TMEM266: variants seen among roughly 807,000 people sequenced by gnomAD.
The protein encoded by TMEM266 is Hv1 related protein 1.
In TMEM266, 33 loss-of-function variants were observed where a neutral mutation model predicts 50.5. The observed-to-expected ratio is 0.65, with a 90% CI of 0.50 to 0.87. The LOEUF is 0.87. Among genes scored for constraint, TMEM266 ranks in the 40% least tolerant of loss-of-function variants. TMEM266 has a pLI of 0.00. For missense variants in TMEM266, 655 were observed against 695.1 expected (o/e 0.94, Z 0.65); for synonymous variants, 310 against 292.3 (o/e 1.06, Z -0.62).
At chr15:76,145,055 T>A (rs879503404) in intron 3 of TMEM266, among the ~76,000 whole-genome samples, 1 of 152,254 alleles carries the variant, frequency 6.6e-6, no homozygotes, top group Non-Finnish European at 1.5e-5. Flanking sequence ...CACTCACTGA[T>A]GCAGGTACCA....
At chr15:76,194,739 A>T (rs1208783269) in intron 9 of TMEM266, among the ~76,000 whole-genome samples, 1 of 152,148 alleles carries the variant, frequency 6.6e-6, no homozygotes, top group Non-Finnish European at 1.5e-5. Context: ...TCATCTGCAC[A>T]TGGCGTCCTC....
chr15:76,154,938 C>T lies in TMEM266; in HGVS notation c.228-1666C>T, dbSNP rs781305944. Among the ~76,000 whole-genome samples the T allele has an allele frequency of 4.6e-5, 7 of 152,332 alleles. 1 individual carries two copies. The South Asian group carries it at 1.0e-3, about 23-fold the overall frequency. On this transcript the variant is annotated intron_variant, in intron 3 of 10. Transcript: ENST00000388942. ...CATTATTCCTTCCGAGAGAAGGGGG[C>T]GCCTCAGGGCACAGCCCCCTTCCCA...
intron 5 of TMEM266, among the ~76,000 whole-genome samples, chr15:76,163,355 A>G (rs1038104059): frequency 2.6e-5 from 4 of 152,212 alleles, no homozygotes; most frequent in African/African-American, 9.6e-5. Flanking sequence ...GCTGTTTGAC[A>G]GTGAGACAGA....
intron 1 of TMEM266, among the ~76,000 whole-genome samples, chr15:76,120,778 AAAAGAT>A (rs2037329954): frequency 6.6e-6 from 1 of 151,562 alleles, no homozygotes; most frequent in Non-Finnish European, 1.5e-5. Context: ...AAAAAAAAAA[AAAAGAT>A]AAGGAAAGAT....
intron 1 of TMEM266, among the ~76,000 whole-genome samples, chr15:76,067,724 G>A (rs1276684784): frequency 1.4e-5 from 2 of 146,678 alleles, no homozygotes; most frequent in South Asian, 4.3e-4. Context: ...AGAGCTTAAA[G>A]TATGCAATAA....
chr15:76,193,641 C>A (rs545901613), intron 9 of TMEM266, among the ~76,000 whole-genome samples: 1 of 152,334 alleles, frequency 6.6e-6, no homozygotes, highest in South Asian at 2.1e-4. Flanking sequence ...ATGAGCCATG[C>A]AGCCTCAGCT....
At chr15:76,182,666 CAAAA>C (rs891280636) in intron 8 of TMEM266, among the ~76,000 whole-genome samples, 4 of 151,780 alleles carry the variant, frequency 2.6e-5, no homozygotes, top group Admixed American at 6.6e-5. Context: ...CAAAACAAAA[CAAAA>C]AAAACTACTA....
At chr15:76,165,527 G>T (rs1181740763) in intron 5 of TMEM266, among the ~76,000 whole-genome samples, 1 of 152,232 alleles carries the variant, frequency 6.6e-6, no homozygotes, top group African/African-American at 2.4e-5. Flanking sequence ...GAAAGGAGGA[G>T]GCTGAAGCTG....
intron 9 of TMEM266, among the ~76,000 whole-genome samples, chr15:76,195,881 G>C (rs777648894): frequency 7.2e-5 from 11 of 152,344 alleles, no homozygotes; most frequent in South Asian, 6.2e-4. Context: ...AAGAAACCAA[G>C]CCTTTAAAAT....
chr15:76,072,267 CGT>C (rs1410289623), intron 1 of TMEM266, among the ~76,000 whole-genome samples: 2 of 151,782 alleles, frequency 1.3e-5, no homozygotes, highest in East Asian at 3.9e-4. Context: ...GGAAAAACCC[CGT>C]CTCTACTAAA....
At chr15:76,086,042 C>G (rs2036771679) in intron 1 of TMEM266, among the ~76,000 whole-genome samples, 1 of 146,274 alleles carries the variant, frequency 6.8e-6, no homozygotes, top group South Asian at 2.1e-4. Flanking sequence ...GAGCGAAACT[C>G]CATTTCAAAA....
At chr15:76,064,560 C>G (rs1319031200) in intron 1 of TMEM266, among the ~76,000 whole-genome samples, 1 of 152,198 alleles carries the variant, frequency 6.6e-6, no homozygotes, top group Non-Finnish European at 1.5e-5. Context: ...TCCTCAGCCA[C>G]AAAGGCCTCC....
intron 1 of TMEM266, among the ~76,000 whole-genome samples, chr15:76,071,019 C>T (rs190090870): frequency 4.8e-4 from 73 of 152,234 alleles, no homozygotes; most frequent in African/African-American, 1.6e-3. Flanking sequence ...TGGTTTGTCC[C>T]GGGGAAGAAG....
At chr15:76,115,564 C>T (rs1016078240) in intron 1 of TMEM266, among the ~76,000 whole-genome samples, 3 of 152,124 alleles carry the variant, frequency 2.0e-5, no homozygotes, top group Non-Finnish European at 4.4e-5. Flanking sequence ...GGGAGGGGGT[C>T]GCATGCCCCA....
At chr15:76,159,981 G>T in intron 4 of TMEM266, 114 bp from the exon 5 acceptor site, 1 of 977,514 alleles carries the variant, frequency 1.0e-6, no homozygotes, top group Non-Finnish European at 1.6e-6. Flanking sequence ...AGATCTAAAC[G>T]TTCATGCAGG....
rs116178727 is a variant in TMEM266, at chr15:76,107,754, G to T, written c.-96-26414G>T. Among the ~76,000 whole-genome samples the T allele has an allele frequency of 7.6e-3, 1,155 of 152,278 alleles. 16 individuals are homozygous for T. The highest frequency in any genetic ancestry group is 0.026 in the African/African-American group (1,098 of 41,560). On this transcript the variant is annotated intron_variant, in intron 1 of 10. Coordinates refer to ENST00000388942, the MANE Select transcript of TMEM266 (RefSeq NM_152335.3). ...TGAATTAATCTGATCTCACATTACA[G>T]ATGTGGAAACTGAGATCCAGAAAGG...
At chr15:76,177,568 G>A (rs371713084) in intron 8 of TMEM266, among the ~76,000 whole-genome samples, 20 of 152,332 alleles carry the variant, frequency 1.3e-4, no homozygotes, top group South Asian at 4.1e-4. Context: ...CTTTTGTTTC[G>A]CACAGAATGC....
intron 1 of TMEM266, among the ~76,000 whole-genome samples, chr15:76,110,444 T>A (rs2037153752): frequency 2.0e-5 from 3 of 152,238 alleles, no homozygotes; most frequent in Non-Finnish European, 4.4e-5. Flanking sequence ...GATTTTTTTC[T>A]TAAGCTCATC....
At chr15:76,092,009 A>AGAAAG (rs2036855112) in intron 1 of TMEM266, among the ~76,000 whole-genome samples, 1 of 151,958 alleles carries the variant, frequency 6.6e-6, no homozygotes, top group South Asian at 2.1e-4. Context: ...AGAAAAGAAA[A>AGAAAG]GAAAAGAAAA....
Sources: gnomAD v4.1 joint callset for allele counts (sites outside exome capture counted in the v4.1 genomes callset) on GRCh38, gnomAD v4.1.1 for gene constraint, MANE v1.5 for transcripts, NCBI Gene and HGNC (gene_info 2026-07-23, HGNC 2026-07-21) for gene names.